ITGA9: variants seen among roughly 807,000 people sequenced by gnomAD.
ITGA9 encodes integrin alpha-9.
ITGA9 carries 56 observed loss-of-function variants against 127.8 expected under a neutral mutation model. The ratio of observed to expected loss-of-function variants is 0.44; its 90% CI spans 0.35 to 0.55. ITGA9 has a LOEUF of 0.55. ITGA9 is among the 20% of genes least tolerant of loss of function. The pLI is 0.00. For synonymous variants in ITGA9, 508 were observed against 514.5 expected (o/e 0.99, Z 0.17); for missense variants, 1,196 against 1,347.1 (o/e 0.89, Z 1.76).
chr3:37,696,885 G>A (rs1226709142), intron 18 of ITGA9, among the ~76,000 whole-genome samples: 1 of 152,208 alleles, frequency 6.6e-6, no homozygotes, highest in Non-Finnish European at 1.5e-5. Flanking sequence ...TCACCTGGGA[G>A]TGTGTTAGAA....
chr3:37,548,059 G>A (rs966451108), intron 15 of ITGA9, among the ~76,000 whole-genome samples: 2 of 152,166 alleles, frequency 1.3e-5, no homozygotes, highest in Non-Finnish European at 1.5e-5. Context: ...GCAGAATGGA[G>A]GAACAGATTT....
At chr3:37,605,815 G>A (rs1279834777) in intron 15 of ITGA9, among the ~76,000 whole-genome samples, 1 of 152,152 alleles carries the variant, frequency 6.6e-6, no homozygotes, top group Non-Finnish European at 1.5e-5. Flanking sequence ...TCTCTCTAAG[G>A]GAGGGCGGCT....
At chr3:37,638,924 C>A (rs1700306421) in intron 16 of ITGA9, among the ~76,000 whole-genome samples, 1 of 152,196 alleles carries the variant, frequency 6.6e-6, no homozygotes, top group African/African-American at 2.4e-5. Flanking sequence ...GGAGACCAAG[C>A]CTTCCCTCTA....
chr3:37,583,264 T>C (rs1450420920), intron 15 of ITGA9, among the ~76,000 whole-genome samples: 1 of 152,194 alleles, frequency 6.6e-6, no homozygotes, highest in Non-Finnish European at 1.5e-5. Context: ...AGCTCACCTG[T>C]GGGTCATGAT....
At chr3:37,748,625 TA>T in intron 22 of ITGA9, 1 of 503,372 alleles carries the variant, frequency 2.0e-6, no homozygotes, top group Non-Finnish European at 3.6e-6. Context: ...CAGCCACCTG[TA>T]ATCCCAGCTA....
chr3:37,457,263 A>G (rs1425977889), intron 1 of ITGA9, among the ~76,000 whole-genome samples: 3 of 152,222 alleles, frequency 2.0e-5, no homozygotes, highest in African/African-American at 4.8e-5. Context: ...TTTGCTCACA[A>G]TCTGACAGGT....
intron 16 of ITGA9, among the ~76,000 whole-genome samples, chr3:37,652,721 G>C (rs1176804185): frequency 6.6e-6 from 1 of 152,184 alleles, no homozygotes; most frequent in African/African-American, 2.4e-5. Flanking sequence ...TGACAAGGAA[G>C]AAGTTTAATA....
chr3:37,523,930 T>C (rs1445442374), intron 12 of ITGA9, among the ~76,000 whole-genome samples: 3 of 152,172 alleles, frequency 2.0e-5, no homozygotes, highest in African/African-American at 2.4e-5. Flanking sequence ...ACCTCATGTT[T>C]TCCTTTGTAT....
intron 15 of ITGA9, among the ~76,000 whole-genome samples, chr3:37,574,427 CA>C (rs1699632961): frequency 6.6e-6 from 1 of 152,170 alleles, no homozygotes; most frequent in African/African-American, 2.4e-5. Context: ...ATATCAGTCC[CA>C]AGAGTCACCT....
At chr3:37,660,401 G>C (rs1700522003) in intron 17 of ITGA9, among the ~76,000 whole-genome samples, 2 of 152,206 alleles carry the variant, frequency 1.3e-5, no homozygotes, top group African/African-American at 4.8e-5. Flanking sequence ...TCCAAGGTCA[G>C]GTATTAAGTT....
chr3:37,636,618 C>G (rs1700281818), intron 16 of ITGA9, among the ~76,000 whole-genome samples: 1 of 152,162 alleles, frequency 6.6e-6, no homozygotes, highest in African/African-American at 2.4e-5. Context: ...TTTTGCTGTG[C>G]ATAAGCTCTT....
intron 4 of ITGA9, among the ~76,000 whole-genome samples, chr3:37,483,639 G>A (rs1479190439): frequency 1.3e-5 from 2 of 152,190 alleles, no homozygotes; most frequent in African/African-American, 4.8e-5. Flanking sequence ...GGGCTGAGGG[G>A]AAGGGGCTTC....
At chr3:37,453,745 G>A (rs889895680) in intron 1 of ITGA9, among the ~76,000 whole-genome samples, 1 of 152,168 alleles carries the variant, frequency 6.6e-6, no homozygotes, top group African/African-American at 2.4e-5. Context: ...TTGGACAGAG[G>A]CTGATGGAAA....
chr3:37,547,425 G>T (rs1699336602), intron 15 of ITGA9, among the ~76,000 whole-genome samples: 2 of 152,164 alleles, frequency 1.3e-5, no homozygotes, highest in African/African-American at 4.8e-5. Context: ...CCTGGGATCT[G>T]CCCAGGTGTT....
chr3:37,684,365 G>A (rs1700761781), intron 18 of ITGA9, among the ~76,000 whole-genome samples: 1 of 152,194 alleles, frequency 6.6e-6, no homozygotes, highest in South Asian at 2.1e-4. Context: ...CCAGTTTTAG[G>A]TCAGTAGTTG....
intron 26 of ITGA9, among the ~76,000 whole-genome samples, chr3:37,797,541 G>A (rs1697188336): frequency 6.6e-6 from 1 of 152,022 alleles, no homozygotes; most frequent in Admixed American, 6.5e-5. Flanking sequence ...TATTGGAGCA[G>A]AGTCTCTCCT....
intron 8 of ITGA9, among the ~76,000 whole-genome samples, chr3:37,512,587 T>C (rs1028578203): frequency 1.3e-4 from 20 of 152,166 alleles, no homozygotes; most frequent in African/African-American, 4.8e-4. Flanking sequence ...ACAAATACTT[T>C]TGTTTGGCTT....
chr3:37,773,849 G>A (rs549136789), intron 23 of ITGA9, among the ~76,000 whole-genome samples: 22 of 152,190 alleles, frequency 1.4e-4, no homozygotes, highest in Admixed American at 5.2e-4. Flanking sequence ...TCAACTATCT[G>A]TGTATAATGT....
At chr3:37,642,821 C>G (rs568151201) in intron 16 of ITGA9, among the ~76,000 whole-genome samples, 58 of 152,194 alleles carry the variant, frequency 3.8e-4, no homozygotes, top group South Asian at 1.4e-3. Context: ...ATCGTCACTA[C>G]AGCTCCTCCC....
Sources: gnomAD v4.1 joint callset for allele counts (sites outside exome capture counted in the v4.1 genomes callset) on GRCh38, gnomAD v4.1.1 for gene constraint, MANE v1.5 for transcripts, NCBI Gene and HGNC (gene_info 2026-07-23, HGNC 2026-07-21) for gene names.